The following AUTS2 variants were observed in gnomAD, a reference collection of about 807,000 sequenced individuals.
AUTS2 encodes activator of transcription and developmental regulator AUTS2.
A neutral mutation model predicts 112.4 loss-of-function variants in AUTS2; 17 were observed. That is an observed-to-expected ratio of 0.15 (90% CI 0.10 to 0.23). The LOEUF is 0.23. AUTS2 is among the 10% of genes least tolerant of loss of function. The probability of loss-of-function intolerance (pLI) is 1.00; values close to 1 mark genes in which losing one functional copy is unlikely to be tolerated. For missense variants in AUTS2, 1,510 were observed against 1,701.6 expected (o/e 0.89, Z 1.98); for synonymous variants, 751 against 702.7 (o/e 1.07, Z -1.09).
chr7:70,778,068 C>T (rs555625852), intron 14 of AUTS2, among the ~76,000 whole-genome samples: 4 of 152,236 alleles, frequency 2.6e-5, no homozygotes, highest in East Asian at 1.9e-4. Flanking sequence ...TGTCCAAAGA[C>T]GATTTTTCCT....
intron 5 of AUTS2, among the ~76,000 whole-genome samples, chr7:70,645,056 T>G (rs150161402): frequency 6.6e-6 from 1 of 152,254 alleles, no homozygotes; most frequent in Non-Finnish European, 1.5e-5. Context: ...GCTTTCTTTC[T>G]GTGCTATTAC....
rs918746595 is a variant in AUTS2 at position 70,208,263 on chromosome 7, T to G, written c.660+73692T>G. Reference sequence around the variant, plus strand: ...AAAATAAACTACTTCACTTAATCATTTTAACATTTCTGCTATGCAGCGTGA... The same window carrying G: ...AAAATAAACTACTTCACTTAATCATGTTAACATTTCTGCTATGCAGCGTGA... On this transcript the variant is annotated intron_variant, in intron 4 of 18. Transcript: ENST00000342771. Among the ~76,000 whole-genome samples the G allele has an allele frequency of 3.4e-4, 51 of 152,168 alleles. 1 individual carries two copies. Among genetic ancestry groups the G allele is most frequent in the Admixed American group, 1.6e-3 (24 of 15,280 alleles).
chr7:70,263,736 G>A (rs1000716319), intron 4 of AUTS2, among the ~76,000 whole-genome samples: 1 of 152,184 alleles, frequency 6.6e-6, no homozygotes, highest in Admixed American at 6.5e-5. Context: ...GGTTAAAAAT[G>A]TAGTGCTTTT....
At position 70,011,340 on chromosome 7, in the gene AUTS2, C is replaced by G. The variant is rs915150777; in HGVS notation, c.523-106792C>G. Reference sequence around the variant, plus strand: ...CTCTCCTCTCCTCTCCTCTCCTCTCCTCTCCTCTCCTCTCCTCTCCTCTCC... The same window carrying G: ...CTCTCCTCTCCTCTCCTCTCCTCTCGTCTCCTCTCCTCTCCTCTCCTCTCC... On this transcript the variant is annotated intron_variant, in intron 2 of 18. Transcript: ENST00000342771. 2.5e-4 allele frequency among the ~76,000 whole-genome samples: 37 copies of G among 149,462 alleles called. 1 individual carries two copies. In the East Asian group the frequency reaches 3.0e-3, roughly 12 times the overall value.
chr7:70,065,927 C>T (rs1247750490), intron 2 of AUTS2, among the ~76,000 whole-genome samples: 1 of 152,066 alleles, frequency 6.6e-6, no homozygotes, highest in Non-Finnish European at 1.5e-5. Context: ...AGACTGGTCT[C>T]AAATTCCCGG....
chr7:70,030,315 C>T (rs1257578673), intron 2 of AUTS2, among the ~76,000 whole-genome samples: 1 of 152,186 alleles, frequency 6.6e-6, no homozygotes, highest in African/African-American at 2.4e-5. Flanking sequence ...TGTTGTTCTT[C>T]TGAACATCAT....
chr7:69,686,986 G>T (rs952002401), intron 1 of AUTS2, among the ~76,000 whole-genome samples: 7 of 152,198 alleles, frequency 4.6e-5, no homozygotes, highest in Non-Finnish European at 8.8e-5. Flanking sequence ...ATAGTAGATT[G>T]TAAGTTATTT....
intron 4 of AUTS2, among the ~76,000 whole-genome samples, chr7:70,354,686 G>A (rs897063142): frequency 2.0e-5 from 3 of 152,168 alleles, no homozygotes; most frequent in African/African-American, 7.2e-5. Flanking sequence ...CTGAGCACTT[G>A]AAATGGGGTG....
At position 69,783,573 on chromosome 7, in the gene AUTS2, C is replaced by T. The variant is rs1029319233; in HGVS notation, c.310-115713C>T. ...GCAGAATGCCTTGCCCTCCCCTTCTCTTCTCCTTTTGGGTATTCCATGGCT... is the reference window on the plus strand; with the variant it reads ...GCAGAATGCCTTGCCCTCCCCTTCTTTTCTCCTTTTGGGTATTCCATGGCT... On this transcript the variant is annotated intron_variant, in intron 1 of 18. Transcript: ENST00000342771. Among the ~76,000 whole-genome samples the T allele has an allele frequency of 3.3e-5, 5 of 152,104 alleles. No homozygotes were observed. In the South Asian group the frequency reaches 6.2e-4, roughly 19 times the overall value.
At chr7:70,499,577 C>G (rs1798693201) in intron 5 of AUTS2, among the ~76,000 whole-genome samples, 1 of 152,230 alleles carries the variant, frequency 6.6e-6, no homozygotes, top group South Asian at 2.1e-4. Context: ...CCAGCTACCC[C>G]TTGGAGAGGG....
At chr7:69,627,164 C>T (rs889053044) in intron 1 of AUTS2, among the ~76,000 whole-genome samples, 1 of 152,082 alleles carries the variant, frequency 6.6e-6, no homozygotes, top group Non-Finnish European at 1.5e-5. Context: ...TGCCCTGTCC[C>T]CAAAGACACA....
chr7:70,366,758 G>A (rs1246817301), intron 4 of AUTS2, among the ~76,000 whole-genome samples: 1 of 152,148 alleles, frequency 6.6e-6, no homozygotes, highest in African/African-American at 2.4e-5. Flanking sequence ...GACCAAATGT[G>A]GAGAACGGAG....
At chr7:70,498,214 G>A (rs968031514) in intron 5 of AUTS2, among the ~76,000 whole-genome samples, 11 of 152,180 alleles carry the variant, frequency 7.2e-5, no homozygotes, top group Non-Finnish European at 1.3e-4. Context: ...ACCGGCATGC[G>A]TTGCCTTCCT....
At chr7:70,689,773 C>T (rs56284043) in intron 5 of AUTS2, among the ~76,000 whole-genome samples, 1 of 74,878 alleles carries the variant, frequency 1.3e-5, no homozygotes, top group African/African-American at 5.5e-5. Flanking sequence ...AAGACTCCGT[C>T]TCAAAAAAAA....
At chr7:70,094,251 G>T (rs543209872) in intron 2 of AUTS2, among the ~76,000 whole-genome samples, 1 of 152,134 alleles carries the variant, frequency 6.6e-6, no homozygotes, top group African/African-American at 2.4e-5. Context: ...TTGTGTATGC[G>T]CCCTGCATGC....
intron 4 of AUTS2, among the ~76,000 whole-genome samples, chr7:70,250,292 G>T (rs979886190): frequency 1.3e-5 from 2 of 152,132 alleles, no homozygotes; most frequent in Admixed American, 1.3e-4. Flanking sequence ...CCTTCTCTTA[G>T]TGTTTCTCAA....
intron 1 of AUTS2, among the ~76,000 whole-genome samples, chr7:69,658,586 AG>A (rs1488661437): frequency 1.3e-5 from 2 of 152,116 alleles, no homozygotes; most frequent in African/African-American, 4.8e-5. Flanking sequence ...AGGCACAGAG[AG>A]GTTAAACTGA....
intron 5 of AUTS2, among the ~76,000 whole-genome samples, chr7:70,622,184 A>G (rs1264389168): frequency 6.6e-6 from 1 of 151,956 alleles, no homozygotes; most frequent in Non-Finnish European, 1.5e-5. Flanking sequence ...TCCTCTGGCT[A>G]TTCTTGGAGC....
intron 4 of AUTS2, among the ~76,000 whole-genome samples, chr7:70,408,359 C>G (rs76306337): frequency 0.05 from 7,567 of 152,168 alleles, 273 homozygotes; most frequent in Middle Eastern, 0.11. Context: ...AGAGGAAACT[C>G]TTAAGCAGAA....
Sources: allele counts gnomAD v4.1 joint callset (sites outside exome capture counted in the v4.1 genomes callset), GRCh38; gene constraint gnomAD v4.1.1; transcripts MANE v1.5; gene names NCBI Gene and HGNC (gene_info 2026-07-23, HGNC 2026-07-21).